Variants in PARVG observed in about 807,000 individuals in gnomAD.
The protein encoded by PARVG is gamma-parvin.
PARVG carries 36 observed loss-of-function variants against 44.4 expected under a neutral mutation model. That is an observed-to-expected ratio of 0.81 (90% confidence interval 0.62 to 1.07). The LOEUF (loss-of-function observed/expected upper bound fraction) is 1.07, where lower values mean the gene tolerates loss of function less well. PARVG is among the 50% of genes least tolerant of loss of function. The probability of loss-of-function intolerance (pLI) is 0.00; values close to 1 mark genes in which losing one functional copy is unlikely to be tolerated. For missense variants in PARVG, 407 were observed against 407.4 expected, an observed-to-expected ratio of 1.00 and a Z score of 0.01; for synonymous variants, 170 against 174.1, an observed-to-expected ratio of 0.98 and a Z score of 0.19.
At chr22:44,192,224 T>G (rs2054557967) in intron 8 of PARVG, 120 bp downstream of exon 8, 1 of 1,174,966 alleles carries the variant, frequency 8.5e-7, no homozygotes, top group Admixed American at 2.2e-5. Context: ...ATTCTGTGGC[T>G]TTCTCTCAGA....
chr22:44,174,195 G>A (rs2054296885), intron 1 of PARVG, among the ~76,000 whole-genome samples: 1 of 151,968 alleles, frequency 6.6e-6, no homozygotes, highest in African/African-American at 2.4e-5. Flanking sequence ...CAGAAAGGAG[G>A]GGTGCGGGTG....
At chr22:44,201,421 G>A (rs115735769) in intron 12 of PARVG, among the ~76,000 whole-genome samples, 2,301 of 152,268 alleles carry the variant, frequency 0.015, 62 homozygotes, top group African/African-American at 0.053. Flanking sequence ...CCCGCAGCCT[G>A]CCATGTCCCT....
intron 13 of PARVG, 79 bp downstream of exon 13, chr22:44,205,908 G>A (rs749709449): frequency 1.4e-5 from 21 of 1,498,324 alleles, no homozygotes; most frequent in South Asian, 9.5e-5. Context: ...CAGGGTGCAG[G>A]GCATTGGGGG....
chr22:44,184,736 G>A (rs557851234), intron 3 of PARVG: 1 of 152,292 alleles, frequency 6.6e-6, no homozygotes, highest in African/African-American at 2.4e-5. Flanking sequence ...GGACAAGCTT[G>A]GTCCAGAGTC....
chr22:44,202,460 A>G (rs2054722928), intron 12 of PARVG, among the ~76,000 whole-genome samples: 1 of 152,224 alleles, frequency 6.6e-6, no homozygotes, highest in Admixed American at 6.5e-5. Flanking sequence ...TCCAAGCCCC[A>G]GTTACAAGAC....
intron 12 of PARVG, among the ~76,000 whole-genome samples, chr22:44,201,777 T>G (rs894909539): frequency 2.6e-5 from 4 of 152,158 alleles, no homozygotes; most frequent in Admixed American, 6.5e-5. Flanking sequence ...CTCCGAGGAC[T>G]GGATAGGGAT....
intron 12 of PARVG, 137 bp downstream of exon 12, chr22:44,198,859 T>TATCCATCC (rs142865703): frequency 1.2e-4 from 62 of 527,288 alleles, no homozygotes; most frequent in South Asian, 4.3e-4. Context: ...TATGTCTGCC[T>TATCCATCC]ATCCATCCAT....
chr22:44,193,200 A>AC (rs943035793), intron 8 of PARVG, among the ~76,000 whole-genome samples: 6 of 151,586 alleles, frequency 4.0e-5, no homozygotes, highest in African/African-American at 1.2e-4. Context: ...TATGGGGTAG[A>AC]GGTGGATCTA....
intron 6 of PARVG, 72 bp downstream of exon 6, chr22:44,189,326 A>C: frequency 3.8e-6 from 6 of 1,565,294 alleles, no homozygotes; most frequent in South Asian, 1.2e-5. Context: ...CAGGCTTCTC[A>C]CCCACCAGGA....
chr22:44,177,805 G>T (rs770119765), upstream of PARVG, among the ~76,000 whole-genome samples: 1 of 152,084 alleles, frequency 6.6e-6, no homozygotes, highest in African/African-American at 2.4e-5. Flanking sequence ...GTTCAAAGCC[G>T]CAGTGAGCCG....
chr22:44,182,999 A>AGGGGGCT lies in PARVG; in HGVS notation c.-12-310_-12-304dup, dbSNP rs1400381484. The AGGGGGCT allele has an allele frequency of 8.5e-5, 29 of 341,496 alleles. No homozygotes were observed. Among genetic ancestry groups the AGGGGGCT allele is most frequent in the Non-Finnish European group, 1.3e-4 (25 of 186,726 alleles). The allele number at this position is 341,496 out of a possible 1,614,324, so 21.2% of individuals were successfully genotyped here. A position where few individuals can be genotyped will look rare whatever the true frequency, so the allele number is the denominator to read the frequency against. On this transcript the variant is annotated intron_variant, in intron 2 of 13. Transcript: ENST00000444313. This position sits in a 1 kb window ranked among gnomAD's most constrained non-coding sequence, Gnocchi z 4.6. The stretch of plus-strand genomic sequence containing the variant: ...GGGATAGGGTGGGGGGTCCCTGGGT[A>AGGGGGCT]GGGGGCTGGGGGCTGCAGGAGCACG...
intron 6 of PARVG, among the ~76,000 whole-genome samples, chr22:44,190,117 C>A (rs1342132109): frequency 1.3e-5 from 2 of 152,186 alleles, no homozygotes; most frequent in Non-Finnish European, 2.9e-5. Context: ...CGTTTTCAAA[C>A]CCAGGTTTTG....
chr22:44,194,128 C>T lies in PARVG; in HGVS notation c.583+305C>T, dbSNP rs112693713. On this transcript the variant is annotated intron_variant, in intron 9 of 13. Transcript: ENST00000444313. Reference sequence around the variant, plus strand: ...GGCCTGGGTTCAAACACCAGTGTTCCCACTCATTAGCCACTTAAGTTTGGG... The same window carrying T: ...GGCCTGGGTTCAAACACCAGTGTTCTCACTCATTAGCCACTTAAGTTTGGG... Among the ~76,000 whole-genome samples the T allele has an allele frequency of 7.6e-4, 115 of 152,294 alleles. No homozygotes were observed. The Middle Eastern group carries it at 0.014, about 18-fold the overall frequency.
chr22:44,175,949 G>A (rs959837344), upstream of PARVG, among the ~76,000 whole-genome samples: 2 of 152,242 alleles, frequency 1.3e-5, no homozygotes, highest in Non-Finnish European at 2.9e-5. Flanking sequence ...TGGTCACACC[G>A]GACAGCTTTT....
Position 44,206,448 on chromosome 22 carries a change from A to T in PARVG, c.*22A>T. The T allele has an allele frequency of 1.2e-6, 2 of 1,608,914 alleles. No individual in the cohort carries two copies. The highest frequency in any genetic ancestry group is 1.7e-6 in the Non-Finnish European group (2 of 1,175,528). ...TTGACCCTCACTGCCTCCAAAGCCC[A>T]GAGCCTGCCTGTCAGCCCAGCTGGA... On this transcript the variant is annotated 3_prime_UTR_variant, in exon 14 of 14. Coordinates refer to ENST00000444313, the MANE Select transcript of PARVG (RefSeq NM_022141.7).
intron 2 of PARVG, chr22:44,183,029 G>C: frequency 2.4e-6 from 1 of 416,982 alleles, no homozygotes. Context: ...AGCACGGTGG[G>C]CGGCCGCTCT....
chr22:44,173,255 G>C, intron 1 of PARVG: 1 of 1,170,344 alleles, frequency 8.5e-7, no homozygotes, highest in South Asian at 1.5e-5. Flanking sequence ...CAAAGCTAGC[G>C]GCCAGGAGCA....
chr22:44,205,910 C>T (rs1304454158), intron 13 of PARVG, 81 bp downstream of exon 13: 13 of 1,490,836 alleles, frequency 8.7e-6, no homozygotes, highest in Non-Finnish European at 1.2e-5. Flanking sequence ...GGGTGCAGGG[C>T]ATTGGGGGAT....
upstream of PARVG, among the ~76,000 whole-genome samples, chr22:44,176,007 G>C (rs368201123): frequency 1.3e-5 from 2 of 152,198 alleles, no homozygotes; most frequent in South Asian, 4.1e-4. Flanking sequence ...TGGATGTTTG[G>C]TGTGTTTTCG....
Sources: gnomAD v4.1 joint callset for allele counts (sites outside exome capture counted in the v4.1 genomes callset) on GRCh38, gnomAD v4.1.1 for gene constraint, Gnocchi (gnomAD v3.1) non-coding constraint, MANE v1.5 for transcripts, NCBI Gene and HGNC (gene_info 2026-07-23, HGNC 2026-07-21) for gene names.